Variants in CORIN observed in about 807,000 individuals in gnomAD.
CORIN encodes atrial natriuretic peptide-converting enzyme.
CORIN carries 117 observed loss-of-function variants against 125.3 expected under a neutral mutation model. The observed-to-expected ratio is 0.93, with a 90% confidence interval of 0.80 to 1.09. The LOEUF (loss-of-function observed/expected upper bound fraction) is 1.09, where lower values mean the gene tolerates loss of function less well. Among genes scored for constraint, CORIN ranks in the 50% least tolerant of loss-of-function variants. The probability of loss-of-function intolerance (pLI) is 0.00; values close to 1 mark genes in which losing one functional copy is unlikely to be tolerated. For synonymous variants in CORIN, 450 were observed against 466.4 expected (o/e 0.96, Z 0.45); for missense variants, 1,253 against 1,306.7 (o/e 0.96, Z 0.63).
At position 47,685,326 on chromosome 4, in the gene CORIN, C is replaced by T. The variant is rs115007994; in HGVS notation, c.914-1488G>A. On this transcript the variant is annotated intron_variant, in intron 6 of 21. Transcript: ENST00000273857. ...AATACTCATGCAGTGAAATACTACT[C>T]GGTGATTAAAAGGATGAAACTACCA... is the stretch of plus-strand genomic sequence containing the variant. Among the ~76,000 whole-genome samples, 1,416 of 152,254 alleles carry T rather than the reference C, an allele frequency of 9.3e-3. 8 individuals are homozygous for T. The highest frequency in any genetic ancestry group is 0.013 in the Non-Finnish European group (907 of 68,002).
chr4:47,692,900 A>C (rs1725830538), intron 6 of CORIN, 70 bp downstream of exon 6: 2 of 1,189,624 alleles, frequency 1.7e-6, no homozygotes, highest in South Asian at 2.4e-5. Flanking sequence ...AGTCTACACA[A>C]ATGCTGATGA....
At chr4:47,651,221 T>C (rs1036905890) in intron 13 of CORIN, among the ~76,000 whole-genome samples, 4 of 152,234 alleles carry the variant, frequency 2.6e-5, no homozygotes, top group Admixed American at 6.5e-5. Flanking sequence ...TGCAGATTCA[T>C]GACAATGAAT....
chr4:47,747,898 CA>C (rs1233505832), intron 4 of CORIN, among the ~76,000 whole-genome samples: 1 of 152,200 alleles, frequency 6.6e-6, no homozygotes, highest in Non-Finnish European at 1.5e-5. Context: ...CAATGTTTCT[CA>C]GAGGAGCACT....
intron 3 of CORIN, among the ~76,000 whole-genome samples, chr4:47,772,835 T>C (rs766936908): frequency 3.9e-5 from 6 of 152,212 alleles, no homozygotes; most frequent in Non-Finnish European, 7.4e-5. Flanking sequence ...AGGGGAGAGA[T>C]TTGTATCCAT....
At chr4:47,789,686 A>G (rs941519253) in intron 2 of CORIN, among the ~76,000 whole-genome samples, 3 of 152,092 alleles carry the variant, frequency 2.0e-5, no homozygotes, top group African/African-American at 7.3e-5. Flanking sequence ...TTAGAACTCA[A>G]TAAAACTAAA....
intron 1 of CORIN, chr4:47,831,551 A>AT (rs765861711): frequency 1.0e-4 from 16 of 152,396 alleles, no homozygotes; most frequent in Non-Finnish European, 2.2e-4. Context: ...GAAAGCGCTC[A>AT]TTAGCAGAAC....
At chr4:47,617,212 CTGAT>C (rs1722097556) in intron 19 of CORIN, among the ~76,000 whole-genome samples, 1 of 152,168 alleles carries the variant, frequency 6.6e-6, no homozygotes, top group South Asian at 2.1e-4. Context: ...TTGAAAGTGT[CTGAT>C]TGTGTTAGAT....
chr4:47,690,506 T>C (rs1483264929), intron 6 of CORIN, among the ~76,000 whole-genome samples: 1 of 152,178 alleles, frequency 6.6e-6, no homozygotes, highest in African/African-American at 2.4e-5. Context: ...AATTAATAAC[T>C]CAATGAACTA....
chr4:47,829,016 G>GGCAT (rs1732856862), intron 1 of CORIN, among the ~76,000 whole-genome samples: 1 of 151,824 alleles, frequency 6.6e-6, no homozygotes, highest in Admixed American at 6.6e-5. Flanking sequence ...AAATTAGCCG[G>GGCAT]GCATGGTGGT....
chr4:47,600,358 A>T lies in CORIN; in HGVS notation c.2813-11T>A, dbSNP rs13306282. On this transcript the variant is annotated splice_polypyrimidine_tract_variant and intron_variant, in intron 20 of 21. Transcript: ENST00000273857. ...GCAGCTTAAATGGCACTGAATTTTT[A>T]AAAAATAAGAATATATATATGATGA... The T allele has an allele frequency of 0.065, 103,460 of 1,600,160 alleles. 3,627 individuals are homozygous for T. Among genetic ancestry groups the T allele is most frequent in the Middle Eastern group, 0.076 (459 of 6,034 alleles).
intron 5 of CORIN, among the ~76,000 whole-genome samples, chr4:47,711,998 AT>A (rs1315941990): frequency 3.3e-5 from 5 of 152,232 alleles, no homozygotes; most frequent in Admixed American, 1.3e-4. Flanking sequence ...GAAATAACCA[AT>A]TTGTAAATAT....
chr4:47,602,131 C>T (rs1721472197), intron 20 of CORIN, among the ~76,000 whole-genome samples: 1 of 151,658 alleles, frequency 6.6e-6, no homozygotes, highest in South Asian at 2.1e-4. Context: ...ATTAGCCAGG[C>T]GTCATGGCAC....
intron 16 of CORIN, among the ~76,000 whole-genome samples, chr4:47,629,517 G>A (rs564649852): frequency 7.2e-5 from 11 of 151,920 alleles, no homozygotes; most frequent in South Asian, 4.2e-4. Context: ...AAAATATATC[G>A]ACAATTATAA....
In CORIN at chr4:47,837,914, G is replaced by A. The variant is rs759680641; in HGVS notation, c.36C>T (p.Arg12=). 1.9e-6 allele frequency: 3 copies of A among 1,613,708 alleles called. No homozygotes were observed. In the Admixed American group the frequency reaches 5.0e-5, roughly 27 times the overall value. The change falls in exon 1 of 22, where the codon CGC becomes CGT. Residue 12 remains arginine, a synonymous_variant. Transcript: ENST00000273857. ...GCTTTGGGGACCCGGCTCTGCGGCA[G>A]CGCTCTTCCGGAGCGAGGGCAGGAG... is the stretch of plus-strand genomic sequence containing the variant. The part of the protein sequence containing the change: ...KQSPALAPEE[R]CRRAGSPKPV...
intron 3 of CORIN, among the ~76,000 whole-genome samples, chr4:47,774,642 A>T (rs540932954): frequency 6.6e-4 from 100 of 152,234 alleles, no homozygotes; most frequent in African/African-American, 2.3e-3. Context: ...AGCAAAGAGG[A>T]AAAGGGAGCA....
intron 5 of CORIN, among the ~76,000 whole-genome samples, chr4:47,728,390 G>A (rs1490761912): frequency 1.3e-5 from 2 of 152,024 alleles, no homozygotes; most frequent in Non-Finnish European, 2.9e-5. Flanking sequence ...TTAGAACTAA[G>A]CTAATATTTC....
intron 5 of CORIN, among the ~76,000 whole-genome samples, chr4:47,709,763 A>G (rs1205020382): frequency 6.6e-6 from 1 of 152,176 alleles, no homozygotes; most frequent in Non-Finnish European, 1.5e-5. Context: ...CTGTAGCAAA[A>G]TTATTTTCAT....
intron 10 of CORIN, among the ~76,000 whole-genome samples, chr4:47,669,516 T>C (rs1724642026): frequency 6.6e-6 from 1 of 151,716 alleles, no homozygotes; most frequent in Non-Finnish European, 1.5e-5. Flanking sequence ...CTTCCATATA[T>C]CTTGTCTTAT....
At chr4:47,710,141 C>T (rs1360612631) in intron 5 of CORIN, among the ~76,000 whole-genome samples, 1 of 152,164 alleles carries the variant, frequency 6.6e-6, no homozygotes, top group Non-Finnish European at 1.5e-5. Context: ...AAAGTAGCCT[C>T]ATGATTTGTA....
Sources: gnomAD v4.1 joint callset for allele counts (sites outside exome capture counted in the v4.1 genomes callset) on GRCh38, gnomAD v4.1.1 for gene constraint, MANE v1.5 for transcripts, NCBI Gene and HGNC (gene_info 2026-07-23, HGNC 2026-07-21) for gene names.